The following HEPN1 variants were observed in gnomAD, a reference collection of about 807,000 sequenced individuals.
HEPN1 encodes hepatocellular carcinoma, down-regulated 1.
For synonymous variants in HEPN1, 46 were observed against 41.2 expected (o/e 1.12, Z -0.45); for missense variants, 97 against 103.3 (o/e 0.94, Z 0.26).
At chr11:124,919,939 T>G in the HEPN1 span, 2 of 1,614,016 alleles carry the variant, frequency 1.2e-6, no homozygotes, top group Non-Finnish European at 1.7e-6. Context: ...GCCACTCCTA[T>G]GAACTGTTCA....
chr11:124,919,647 C>T, exon 1 of HEPN1: 1 of 1,333,570 alleles, frequency 7.5e-7, no homozygotes, highest in Non-Finnish European at 1.0e-6. Context: ...TGCCGAGGGA[C>T]AGGGAGCTGA....
chr11:124,920,312 CA>C (rs1261527998), exon 1 of HEPN1: 1 of 1,348,472 alleles, frequency 7.4e-7, no homozygotes, highest in African/African-American at 1.5e-5. Flanking sequence ...GTTTTCGGGC[CA>C]GGGGAGTAAG....
At chr11:124,920,426 G>T (rs1947111792) in exon 1 of HEPN1, 1 of 1,547,936 alleles carries the variant, frequency 6.5e-7, no homozygotes, top group South Asian at 1.2e-5. Flanking sequence ...GAGGCTGTGG[G>T]AGGAGGCCAA....
chr11:124,919,615 T>C, exon 1 of HEPN1: 1 of 982,368 alleles, frequency 1.0e-6, no homozygotes, highest in Non-Finnish European at 1.5e-6. Flanking sequence ...AAGGCACACC[T>C]GCTCAAATGA....
exon 1 of HEPN1, chr11:124,919,991 A>G: frequency 6.2e-7 from 1 of 1,613,250 alleles, no homozygotes; most frequent in Non-Finnish European, 8.5e-7. Flanking sequence ...ACAGCGGCCC[A>G]GCCTCTTTAT....
chr11:124,919,938 A>G (rs758177602), exon 1 of HEPN1: 1 of 1,613,948 alleles, frequency 6.2e-7, no homozygotes, highest in Non-Finnish European at 8.5e-7. Flanking sequence ...TGCCACTCCT[A>G]TGAACTGTTC....
chr11:124,920,500 G>C, exon 1 of HEPN1: 1 of 1,496,618 alleles, frequency 6.7e-7, no homozygotes, highest in South Asian at 1.2e-5. Flanking sequence ...GAATGTACTC[G>C]TACCCTTCCC....
At chr11:124,920,075 A>T (rs1300089224) in exon 1 of HEPN1, 1 of 1,559,132 alleles carries the variant, frequency 6.4e-7, no homozygotes, top group Non-Finnish European at 8.7e-7. Context: ...AGCAGGGCAG[A>T]TGGGTGGCAG....
chr11:124,919,754 G>C (rs1947098027), exon 1 of HEPN1: 7 of 1,613,498 alleles, frequency 4.3e-6, no homozygotes, highest in Non-Finnish European at 5.9e-6. Context: ...GGAGGTGATG[G>C]GTAACTGGGG....
At chr11:124,919,373 C>A in exon 1 of HEPN1, 1 of 233,476 alleles carries the variant, frequency 4.3e-6, no homozygotes, top group Non-Finnish European at 8.3e-6. Context: ...CCTCCCCACC[C>A]CCAATTTAAG....
exon 1 of HEPN1, chr11:124,920,432 G>C (rs1028586672): frequency 1.3e-6 from 2 of 1,547,382 alleles, no homozygotes; most frequent in African/African-American, 2.7e-5. Flanking sequence ...GTGGGAGGAG[G>C]CCAAGCTGGC....
At position 124,919,726 on chromosome 11, in the gene HEPN1, C is replaced by T; in HGVS notation, c.-25C>T. ...AATGTCAGTGCCTTTGGGGCTGAGA[C>T]AAAACTTGACCTGGTGTGGAGGTGA... On this transcript the variant is annotated 5_prime_UTR_variant, in exon 1 of 1. It introduces an in-frame stop codon into an upstream open reading frame of the 5' UTR. Coordinates refer to ENST00000408930, the Ensembl canonical transcript of HEPN1. 6.2e-7 allele frequency: 1 copy of T among 1,610,298 alleles called. No homozygotes were observed. Among genetic ancestry groups the T allele is most frequent in the East Asian group, 2.2e-5 (1 of 44,830 alleles).
In HEPN1 at chr11:124,920,078, G is replaced by T; in HGVS notation, c.*61G>T. ...TGAGCATGTGGGAGCAGGGCAGATGGGTGGCAGGAGGCCAGGGGTTGGATC... is the reference window on the plus strand; with the variant it reads ...TGAGCATGTGGGAGCAGGGCAGATGTGTGGCAGGAGGCCAGGGGTTGGATC... On this transcript the variant is annotated 3_prime_UTR_variant, in exon 1 of 1. Transcript: ENST00000408930. 4 of 1,541,628 alleles carry T rather than the reference G, an allele frequency of 2.6e-6. No homozygotes were observed. In the South Asian group the frequency reaches 4.9e-5, roughly 19 times the overall value.
At chr11:124,920,108 T>TC in exon 1 of HEPN1, 4 of 1,400,918 alleles carry the variant, frequency 2.9e-6, no homozygotes, top group South Asian at 1.4e-5. Context: ...TGGATCATGT[T>TC]CCCCCCAAAT....
At chr11:124,920,080 T>TG in exon 1 of HEPN1, 1 of 1,541,788 alleles carries the variant, frequency 6.5e-7, no homozygotes, top group Non-Finnish European at 8.8e-7. Flanking sequence ...GGCAGATGGG[T>TG]GGCAGGAGGC....
At chr11:124,919,778 C>G in exon 1 of HEPN1, 1 of 1,614,036 alleles carries the variant, frequency 6.2e-7, no homozygotes, top group Non-Finnish European at 8.5e-7. Context: ...TGGAATTGCT[C>G]CATGGGTTGA....
exon 1 of HEPN1, chr11:124,919,727 A>T (rs758244596): frequency 6.2e-7 from 1 of 1,610,820 alleles, no homozygotes; most frequent in Non-Finnish European, 8.5e-7. Context: ...GGGCTGAGAC[A>T]AAACTTGACC....
At chr11:124,919,436 G>T (rs1267507487) in exon 1 of HEPN1, 7 of 336,352 alleles carry the variant, frequency 2.1e-5, no homozygotes, top group Non-Finnish European at 2.7e-5. Context: ...CAGCACCAGG[G>T]TATGGCATGT....
At chr11:124,919,717 G>C in exon 1 of HEPN1, 1 of 1,607,898 alleles carries the variant, frequency 6.2e-7, no homozygotes, top group East Asian at 2.2e-5. Context: ...AGTGCCTTTG[G>C]GGCTGAGACA....
Sources: allele counts gnomAD v4.1 joint callset, GRCh38; gene constraint gnomAD v4.1.1; transcripts MANE v1.5; gene names NCBI Gene and HGNC (gene_info 2026-07-23, HGNC 2026-07-21).